Variants in PTPN12 observed in about 807,000 individuals in gnomAD.
PTPN12 encodes the protein protein tyrosine phosphatase non-receptor type 12.
PTPN12 carries 29 observed loss-of-function variants against 97.6 expected under a neutral mutation model. The observed-to-expected ratio is 0.30, with a 90% CI of 0.22 to 0.41. The LOEUF (loss-of-function observed/expected upper bound fraction) is 0.41. Among genes scored for constraint, PTPN12 ranks in the 10% least tolerant of loss-of-function variants. The pLI is 1.00. For missense variants in PTPN12, 819 were observed against 926.0 expected (o/e 0.88, Z 1.50); for synonymous variants, 327 against 300.4 (o/e 1.09, Z -0.91).
rs1789082683 is a variant in PTPN12 at position 77,624,985 on chromosome 7, A to C, written c.1026-1720A>C. On this transcript the variant is annotated intron_variant, in intron 12 of 17. Coordinates refer to ENST00000248594, the MANE Select transcript of PTPN12 (RefSeq NM_002835.4). ...CCCCATCTCTACTAAAAATACAAAA[A>C]TTAGCCAGGTGTGGTGGCATGTGCC... Among the ~76,000 whole-genome samples, 3 of 151,802 alleles carry C rather than the reference A, an allele frequency of 2.0e-5. 1 individual carries two copies. The South Asian group carries it at 6.2e-4, about 32-fold the overall frequency.
chr7:77,595,978 C>T (rs1183518996), intron 6 of PTPN12, among the ~76,000 whole-genome samples: 1 of 152,156 alleles, frequency 6.6e-6, no homozygotes, highest in East Asian at 1.9e-4. Context: ...TTCCCTCTTC[C>T]TTCTTCAGTT....
At chr7:77,634,616 A>AT (rs1223004627) in intron 14 of PTPN12, among the ~76,000 whole-genome samples, 6 of 149,358 alleles carry the variant, frequency 4.0e-5, no homozygotes, top group Non-Finnish European at 7.4e-5. Context: ...ATTTTTTTGT[A>AT]TTTTTTTTAG....
At chr7:77,597,959 G>C in intron 7 of PTPN12, 58 bp downstream of exon 7, 1 of 1,584,154 alleles carries the variant, frequency 6.3e-7, no homozygotes, top group Non-Finnish European at 8.6e-7. Context: ...TGGGTGCAGT[G>C]GCTCATGCCT....
intron 1 of PTPN12, among the ~76,000 whole-genome samples, chr7:77,569,142 T>C (rs1162746670): frequency 6.6e-6 from 1 of 152,188 alleles, no homozygotes; most frequent in Non-Finnish European, 1.5e-5. Flanking sequence ...GGTACCCATT[T>C]CCCTTCCCCA....
In PTPN12 at chr7:77,627,636, C is replaced by T. The variant is rs1405629300; in HGVS notation, c.1957C>T (p.His653Tyr). The T allele has an allele frequency of 3.1e-6, 5 of 1,600,068 alleles. No individual in the cohort carries two copies. Among genetic ancestry groups the T allele is most frequent in the Non-Finnish European group, 4.3e-6 (5 of 1,173,692 alleles). Residue 653 changes from histidine to tyrosine, a missense_variant, in exon 13 of 18, where the codon CAT (histidine) becomes TAT (tyrosine). This residue lies in a region of PTPN12 where 607 missense variants were observed against 577.3 expected (regional missense o/e 1.05). Transcript: ENST00000248594. ...RKVLPMSIAR[H>Y]NIAGTTHSGA... Reference sequence around the variant, plus strand: ...AGTATTGCCAATGTCCATTGCTAGACATAATATAGCAGGAACAACACATTC... The same window carrying T: ...AGTATTGCCAATGTCCATTGCTAGATATAATATAGCAGGAACAACACATTC...
intron 11 of PTPN12, among the ~76,000 whole-genome samples, chr7:77,614,669 A>G (rs2151380399): frequency 6.6e-6 from 1 of 152,186 alleles, no homozygotes; most frequent in South Asian, 2.1e-4. Context: ...AATATAGGTG[A>G]CTCTTTTTAT....
intron 11 of PTPN12, among the ~76,000 whole-genome samples, chr7:77,614,298 T>C (rs950001240): frequency 6.6e-6 from 1 of 152,246 alleles, no homozygotes; most frequent in Admixed American, 6.5e-5. Flanking sequence ...CTGATCTTTG[T>C]AAGGTTTTAT....
chr7:77,604,388 T>C (rs1297070640), intron 8 of PTPN12, among the ~76,000 whole-genome samples: 1 of 151,634 alleles, frequency 6.6e-6, no homozygotes, highest in Admixed American at 6.6e-5. Context: ...GTTAATTTTA[T>C]ATTTTTAGTA....
Position 77,632,440 on chromosome 7 carries a change from T to A in PTPN12, c.2074+15T>A. Reference sequence around the variant, plus strand: ...AAGTGAACATAGTGAGTGTCTCTTTTGCTTTTACATTTACTTCATATTCTA... The same window carrying A: ...AAGTGAACATAGTGAGTGTCTCTTTAGCTTTTACATTTACTTCATATTCTA... On this transcript the variant is annotated intron_variant, in intron 14 of 17. Coordinates refer to ENST00000248594, the MANE Select transcript of PTPN12 (RefSeq NM_002835.4). The A allele has an allele frequency of 3.8e-6, 6 of 1,576,000 alleles. No homozygotes were observed. The highest frequency in any genetic ancestry group is 5.2e-6 in the Non-Finnish European group (6 of 1,146,106).
intron 1 of PTPN12, among the ~76,000 whole-genome samples, chr7:77,556,135 ACTGCAACCTCCGCCTC>A (rs1009532570): frequency 8.6e-5 from 13 of 152,002 alleles, no homozygotes; most frequent in African/African-American, 3.1e-4. Context: ...ATCATAGCTA[ACTGCAACCTCCGCCTC>A]CTGGGCTCAA....
chr7:77,587,482 A>C (rs1427639158), intron 5 of PTPN12, among the ~76,000 whole-genome samples: 1 of 152,194 alleles, frequency 6.6e-6, no homozygotes, highest in Non-Finnish European at 1.5e-5. Flanking sequence ...AAAAACAAAA[A>C]CATGCTGTAA....
At chr7:77,636,118 T>C (rs1211765350) in intron 15 of PTPN12, among the ~76,000 whole-genome samples, 1 of 152,184 alleles carries the variant, frequency 6.6e-6, no homozygotes, top group Non-Finnish European at 1.5e-5. Context: ...TAAATTATGC[T>C]TCAAATAATT....
At chr7:77,556,755 G>T (rs1041018031) in intron 1 of PTPN12, among the ~76,000 whole-genome samples, 2 of 151,864 alleles carry the variant, frequency 1.3e-5, no homozygotes, top group Non-Finnish European at 2.9e-5. Context: ...ACTTGAACCC[G>T]GGAGGTGGAG....
At chr7:77,622,264 G>C (rs978558096) in intron 12 of PTPN12, among the ~76,000 whole-genome samples, 1 of 152,116 alleles carries the variant, frequency 6.6e-6, no homozygotes, top group Non-Finnish European at 1.5e-5. Flanking sequence ...CAGTATTCCA[G>C]TTCTTCCAGT....
chr7:77,607,720 CTT>C (rs1176917601), intron 9 of PTPN12, among the ~76,000 whole-genome samples: 1 of 150,748 alleles, frequency 6.6e-6, no homozygotes, highest in Non-Finnish European at 1.5e-5. Flanking sequence ...CTGTTACTGA[CTT>C]TTCCAATACT....
chr7:77,627,253 G>C lies in PTPN12; in HGVS notation c.1574G>C (p.Arg525Pro). The C allele has an allele frequency of 6.2e-7, 1 of 1,613,964 alleles. No homozygotes were observed. Among genetic ancestry groups the C allele is most frequent in the Non-Finnish European group, 8.5e-7 (1 of 1,179,910 alleles). Residue 525 changes from arginine to proline, a missense_variant, in exon 13 of 18, where the codon CGC (arginine) becomes CCC (proline). Arg to Pro is a moderately radical substitution (Grantham distance 103, BLOSUM62 -2). Around this residue, in one of 5 missense-constraint regions of PTPN12, gnomAD observed 607 missense variants for 577.3 expected, o/e 1.05. Transcript: ENST00000248594. Reference protein sequence around the residue: ...QNSDTPPRPDRLPLDEKGHVT... With the variant: ...QNSDTPPRPDPLPLDEKGHVT... Reference sequence around the variant, plus strand: ...TCAGACACACCTCCAAGGCCAGACCGCTTGCCTCTTGATGAGAAAGGACAT... The same window carrying C: ...TCAGACACACCTCCAAGGCCAGACCCCTTGCCTCTTGATGAGAAAGGACAT...
intron 1 of PTPN12, among the ~76,000 whole-genome samples, chr7:77,550,749 T>C (rs575833110): frequency 5.3e-5 from 8 of 152,312 alleles, no homozygotes; most frequent in Non-Finnish European, 1.0e-4. Context: ...TTCTTGGATG[T>C]TTTTCTGCTA....
At chr7:77,625,514 T>G (rs967994999) in intron 12 of PTPN12, among the ~76,000 whole-genome samples, 2 of 105,634 alleles carry the variant, frequency 1.9e-5, no homozygotes, top group Non-Finnish European at 2.0e-5. Context: ...TCTCTCTCTC[T>G]CTCTCTCTCA....
chr7:77,578,252 A>AG (rs1005286956), intron 2 of PTPN12, among the ~76,000 whole-genome samples: 145 of 152,320 alleles, frequency 9.5e-4, no homozygotes, highest in African/African-American at 3.2e-3. Context: ...ACATGGTAAG[A>AG]GGAAGCTTCC....
Sources: gnomAD v4.1 joint callset for allele counts (sites outside exome capture counted in the v4.1 genomes callset) on GRCh38, gnomAD v4.1.1 for gene constraint, gnomAD v4.1.1 regional missense constraint, MANE v1.5 for transcripts, NCBI Gene and HGNC (gene_info 2026-07-23, HGNC 2026-07-21) for gene names.